Variants in NADK2 observed in about 807,000 individuals in gnomAD.
The protein encoded by NADK2 is NAD kinase domain-containing protein 1, mitochondrial.
In NADK2, 35 loss-of-function variants were observed where a neutral mutation model predicts 62.1. The observed-to-expected ratio is 0.56, with a 90% CI of 0.43 to 0.75. The LOEUF is 0.75. Ranked by LOEUF, NADK2 falls within the 30% of genes least tolerant of loss-of-function variation. The probability of loss-of-function intolerance (pLI) is 0.00; values close to 1 mark genes in which losing one functional copy is unlikely to be tolerated. For synonymous variants in NADK2, 205 were observed against 207.9 expected (o/e 0.99, Z 0.12); for missense variants, 439 against 561.3 (o/e 0.78, Z 2.20).
Position 36,241,354 on chromosome 5 carries a change from A to G in NADK2, c.300+145T>C. Reference sequence around the variant, plus strand: ...CAAAGGAGGCCCAGGGAGAAGCCAGAGGACCTGGGGGCCGCGAGAGAGGCA... The same window carrying G: ...CAAAGGAGGCCCAGGGAGAAGCCAGGGGACCTGGGGGCCGCGAGAGAGGCA... On this transcript the variant is annotated intron_variant, in intron 1 of 11. Coordinates refer to ENST00000381937, the MANE Select transcript of NADK2 (RefSeq NM_001085411.3). The surrounding 1 kb of genome is among the most constrained non-coding windows in gnomAD (Gnocchi z 4.9). The G allele has an allele frequency of 1.5e-6, 2 of 1,324,102 alleles. No individual in the cohort carries two copies. The highest frequency in any genetic ancestry group is 1.9e-6 in the Non-Finnish European group (2 of 1,034,222). 82.0% of individuals were successfully genotyped at this position (1,324,102 alleles called of 1,614,324 possible).
intron 6 of NADK2, chr5:36,212,977 G>A (rs987809845): frequency 6.6e-6 from 1 of 152,172 alleles, no homozygotes; most frequent in African/African-American, 2.4e-5. Flanking sequence ...AGACACTATT[G>A]CTTCCACCTT....
intron 1 of NADK2, among the ~76,000 whole-genome samples, chr5:36,239,844 A>C (rs1315368958): frequency 1.3e-5 from 2 of 152,182 alleles, no homozygotes; most frequent in African/African-American, 4.8e-5. Context: ...AAAAAGTATC[A>C]TTTCCACCTA....
rs183837963 is a variant in NADK2 at position 36,217,022 on chromosome 5, G to A, written c.781+726C>T. 1.2e-3 allele frequency among the ~76,000 whole-genome samples: 185 copies of A among 152,052 alleles called. 1 individual carries two copies. The highest frequency in any genetic ancestry group is 4.4e-3 in the African/African-American group (183 of 41,480). ...GCTATAAGTCACCATGAAAAACTCT[G>A]GAATAAGGGGATATAAACATCAGGT... On this transcript the variant is annotated intron_variant, in intron 6 of 11. Coordinates refer to ENST00000381937, the MANE Select transcript of NADK2 (RefSeq NM_001085411.3).
At chr5:36,223,320 A>G (rs752712691) in intron 4 of NADK2, among the ~76,000 whole-genome samples, 1 of 152,180 alleles carries the variant, frequency 6.6e-6, no homozygotes, top group Non-Finnish European at 1.5e-5. Flanking sequence ...CTAAGAAACT[A>G]TAAGGGTAAG....
At chr5:36,240,045 C>A (rs925068967) in intron 1 of NADK2, among the ~76,000 whole-genome samples, 1 of 152,196 alleles carries the variant, frequency 6.6e-6, no homozygotes, top group African/African-American at 2.4e-5. Flanking sequence ...ACAAGCTAGA[C>A]TTTGCAAAAT....
At chr5:36,230,017 C>T (rs1747647401) in intron 1 of NADK2, among the ~76,000 whole-genome samples, 1 of 151,742 alleles carries the variant, frequency 6.6e-6, no homozygotes, top group Admixed American at 6.6e-5. Context: ...CATGATCTCA[C>T]ACGTGAACCA....
chr5:36,211,944 G>A (rs1350285603), intron 6 of NADK2, 22 bp from the exon 7 acceptor site: 1 of 1,553,670 alleles, frequency 6.4e-7, no homozygotes, highest in African/African-American at 1.4e-5. Flanking sequence ...TTAAGACAAA[G>A]AAAATCCAAG....
chr5:36,200,035 G>A (rs1746377017), intron 10 of NADK2, among the ~76,000 whole-genome samples, 192 bp downstream of exon 10: 1 of 151,898 alleles, frequency 6.6e-6, no homozygotes, highest in African/African-American at 2.4e-5. Context: ...TTATATTTCA[G>A]GGTTGACTAA....
At chr5:36,220,537 A>G (rs1747226037) in intron 4 of NADK2, among the ~76,000 whole-genome samples, 1 of 152,232 alleles carries the variant, frequency 6.6e-6, no homozygotes, top group Non-Finnish European at 1.5e-5. Flanking sequence ...GTGTTTTTAC[A>G]AAGTTGTGAA....
intron 1 of NADK2, among the ~76,000 whole-genome samples, chr5:36,234,243 C>T (rs1435565987): frequency 1.3e-5 from 2 of 151,004 alleles, no homozygotes; most frequent in South Asian, 2.1e-4. Flanking sequence ...CATGGTGGCG[C>T]GCGCCTGTAG....
chr5:36,199,057 A>G (rs1295642318), intron 10 of NADK2, among the ~76,000 whole-genome samples: 265 of 144,214 alleles, frequency 1.8e-3, no homozygotes, highest in African/African-American at 6.7e-3. Flanking sequence ...GTTGTGGGGT[A>G]GGGGGTGGGG....
chr5:36,203,155 A>G (rs1746508455), intron 8 of NADK2, among the ~76,000 whole-genome samples: 1 of 152,162 alleles, frequency 6.6e-6, no homozygotes, highest in Non-Finnish European at 1.5e-5. Context: ...TAGCTTTGGG[A>G]AAGTCAGTTA....
At chr5:36,213,154 G>C (rs911859291) in intron 6 of NADK2, 1 of 152,088 alleles carries the variant, frequency 6.6e-6, no homozygotes, top group Non-Finnish European at 1.5e-5. Context: ...CTGCTGTCCT[G>C]GCCAACAGCT....
At chr5:36,240,213 T>C (rs1409911103) in intron 1 of NADK2, among the ~76,000 whole-genome samples, 14 of 152,190 alleles carry the variant, frequency 9.2e-5, no homozygotes, top group Admixed American at 7.9e-4. Context: ...ATGATGCAAG[T>C]GTATTCTATA....
At chr5:36,227,363 T>C in intron 2 of NADK2, 114 bp downstream of exon 2, 1 of 445,008 alleles carries the variant, frequency 2.2e-6, no homozygotes, top group East Asian at 3.8e-5. Flanking sequence ...TTTCTGAAAA[T>C]GATTTTATAA....
intron 10 of NADK2, among the ~76,000 whole-genome samples, chr5:36,198,577 G>T (rs1043671805): frequency 2.7e-5 from 4 of 147,768 alleles, no homozygotes; most frequent in African/African-American, 9.9e-5. Context: ...GAAAGTCACA[G>T]ATATTTTTAT....
chr5:36,236,020 T>G (rs1302385631), intron 1 of NADK2, among the ~76,000 whole-genome samples: 1 of 152,012 alleles, frequency 6.6e-6, no homozygotes, highest in Non-Finnish European at 1.5e-5. Context: ...TAAAGTCAAT[T>G]TACACTTTAC....
intron 4 of NADK2, among the ~76,000 whole-genome samples, chr5:36,220,690 C>G (rs10512641): frequency 0.062 from 9,402 of 152,212 alleles, 1,023 homozygotes; most frequent in African/African-American, 0.22. Flanking sequence ...TAGAATAATA[C>G]CTGCTGAGGT....
intron 5 of NADK2, 105 bp from the exon 6 acceptor site, chr5:36,217,989 CAGTT>C: frequency 1.0e-6 from 1 of 987,976 alleles, no homozygotes; most frequent in Non-Finnish European, 1.5e-6. Context: ...AACTAGTTAC[CAGTT>C]ATTCCATGAA....
Sources: allele counts gnomAD v4.1 joint callset (sites outside exome capture counted in the v4.1 genomes callset), GRCh38; gene constraint gnomAD v4.1.1; non-coding constraint Gnocchi (gnomAD v3.1); transcripts MANE v1.5; gene names NCBI Gene and HGNC (gene_info 2026-07-23, HGNC 2026-07-21).